Variants in TBX20 observed in about 807,000 individuals in gnomAD.
The protein encoded by TBX20 is T-box transcription factor 20, also known as T-box transcription factor TBX20.
A neutral mutation model predicts 42.9 loss-of-function variants in TBX20; 8 were observed. The observed-to-expected ratio is 0.19, with a 90% confidence interval of 0.11 to 0.34. The LOEUF (loss-of-function observed/expected upper bound fraction) is 0.34, where lower values mean the gene tolerates loss of function less well. Among genes scored for constraint, TBX20 ranks in the 10% least tolerant of loss-of-function variants. The pLI is 1.00. For synonymous variants in TBX20, 198 were observed against 222.8 expected (o/e 0.89, Z 0.99); for missense variants, 411 against 566.0 (o/e 0.73, Z 2.78).
chr7:35,245,624 G>T (rs146313390), intron 3 of TBX20, among the ~76,000 whole-genome samples: 2 of 152,082 alleles, frequency 1.3e-5, no homozygotes, highest in Non-Finnish European at 2.9e-5. Context: ...GTAGTCCACC[G>T]ATCAGCTAGG....
intron 6 of TBX20, among the ~76,000 whole-genome samples, chr7:35,210,439 C>T (rs1251935166): frequency 6.6e-6 from 1 of 152,110 alleles, no homozygotes; most frequent in Non-Finnish European, 1.5e-5. Context: ...ATTTTCTAAA[C>T]ATCAATTGGG....
At chr7:35,237,071 G>A (rs1384720147) in intron 5 of TBX20, among the ~76,000 whole-genome samples, 1 of 151,986 alleles carries the variant, frequency 6.6e-6, no homozygotes, top group Non-Finnish European at 1.5e-5. Context: ...CTATCATGAT[G>A]CCACCAAAAA....
intron 6 of TBX20, among the ~76,000 whole-genome samples, chr7:35,223,107 C>A (rs1267204176): frequency 2.4e-4 from 3 of 12,588 alleles, no homozygotes; most frequent in Non-Finnish European, 4.4e-4. Context: ...GATTAGTTGA[C>A]AAGATGAGTT....
intron 6 of TBX20, among the ~76,000 whole-genome samples, chr7:35,229,439 A>G (rs2128713218): frequency 6.6e-6 from 1 of 152,284 alleles, no homozygotes; most frequent in African/African-American, 2.4e-5. Flanking sequence ...AATATCTGGA[A>G]ATGAAATCCA....
chr7:35,253,470 G>C lies in TBX20; in HGVS notation c.127+24C>G, dbSNP rs982240056. ...ATGCGCAGCATCCCCAGTCCTCGGC[G>C]GACAGCCGGGTAGCCCAACTTACCC... is the stretch of plus-strand genomic sequence containing the variant. On this transcript the variant is annotated intron_variant, in intron 1 of 7. Transcript: ENST00000408931. The C allele has an allele frequency of 1.9e-6, 3 of 1,602,692 alleles. No homozygotes were observed. The African/African-American group carries it at 4.0e-5, about 21-fold the overall frequency.
chr7:35,213,676 GC>G (rs958223378), intron 6 of TBX20, among the ~76,000 whole-genome samples: 16 of 151,844 alleles, frequency 1.1e-4, no homozygotes, highest in African/African-American at 3.4e-4. Context: ...AATATCATGG[GC>G]TTTAATGTCA....
In TBX20 at chr7:35,250,110, C is replaced by T. The variant is rs776850953; in HGVS notation, c.221G>A (p.Ser74Asn). The change falls in exon 2 of 8, where the codon AGC (serine) becomes AAC (asparagine). Residue 74 changes from serine to asparagine, a missense_variant. Coordinates refer to ENST00000408931, the MANE Select transcript of TBX20 (RefSeq NM_001077653.2). ...AGTGCACAGAGAGGAGGAGGACGGG[C>T]TGCTGCCACTGCCTCCACCAAACTC... is the stretch of plus-strand genomic sequence containing the variant. Reference protein sequence around the residue: ...HGEFGGGSGSSPSSSSLCTEP... With the variant: ...HGEFGGGSGSNPSSSSLCTEP... 1.9e-6 allele frequency: 3 copies of T among 1,613,558 alleles called. No homozygotes were observed. The highest frequency in any genetic ancestry group is 2.2e-5 in the South Asian group (2 of 90,962).
Position 35,250,140 on chromosome 7 carries a change from T to A in TBX20, c.191A>T (p.His64Leu). 1 of 1,614,018 alleles carries A rather than the reference T, an allele frequency of 6.2e-7. No homozygotes were observed. The highest frequency in any genetic ancestry group is 8.5e-7 in the Non-Finnish European group (1 of 1,179,982). ...GCCACTGCCTCCACCAAACTCCCCA[T>A]GAGCATCCAGGCTGGTCAGCTCACC... is the stretch of plus-strand genomic sequence containing the variant. ...PLGELTSLDAHGEFGGGSGSS... is the reference protein window; with the variant it reads ...PLGELTSLDALGEFGGGSGSS... Residue 64 changes from histidine to leucine, a missense_variant, in exon 2 of 8, where the codon CAT becomes CTT. His to Leu is a moderately conservative substitution (Grantham distance 99, BLOSUM62 -3). Coordinates refer to ENST00000408931, the MANE Select transcript of TBX20 (RefSeq NM_001077653.2).
chr7:35,227,724 A>C (rs1789799366), intron 6 of TBX20, among the ~76,000 whole-genome samples: 1 of 152,140 alleles, frequency 6.6e-6, no homozygotes, highest in African/African-American at 2.4e-5. Context: ...ATGACTATAC[A>C]TCTTTCCACT....
At chr7:35,214,833 A>G (rs185839014) in intron 6 of TBX20, among the ~76,000 whole-genome samples, 207 of 152,316 alleles carry the variant, frequency 1.4e-3, no homozygotes, top group African/African-American at 4.6e-3. Flanking sequence ...TTATTTTCAC[A>G]TGCAAAAGAA....
intron 1 of TBX20, 26 bp downstream of exon 1, chr7:35,253,468 G>A (rs1562569155): frequency 6.2e-7 from 1 of 1,602,376 alleles, no homozygotes; most frequent in Non-Finnish European, 8.5e-7. Context: ...CCAGTCCTCG[G>A]CGGACAGCCG....
chr7:35,238,666 G>A lies in TBX20; in HGVS notation c.813+2213C>T, dbSNP rs564279317. ...CAAATAAATTAAAAACAGGATTGCT[G>A]GTTTCAGTGTTCCAGATTCGCAGAG... On this transcript the variant is annotated intron_variant, in intron 5 of 7. Transcript: ENST00000408931. Among the ~76,000 whole-genome samples, 880 of 152,272 alleles carry A rather than the reference G, an allele frequency of 5.8e-3. 7 individuals are homozygous for A. The highest frequency in any genetic ancestry group is 0.02 in the African/African-American group (839 of 41,542).
At chr7:35,216,751 CA>C (rs1186080758) in intron 6 of TBX20, among the ~76,000 whole-genome samples, 1 of 152,178 alleles carries the variant, frequency 6.6e-6, no homozygotes, top group African/African-American at 2.4e-5. Context: ...TTTCAATTTA[CA>C]TTCTCATTTT....
chr7:35,205,353 TA>T (rs3051595), intron 6 of TBX20, among the ~76,000 whole-genome samples: 291 of 144,142 alleles, frequency 2.0e-3, no homozygotes, highest in East Asian at 8.8e-3. Flanking sequence ...CTTCTGCTTT[TA>T]AAAAAAAAAA....
intron 6 of TBX20, among the ~76,000 whole-genome samples, chr7:35,214,910 A>C (rs1203700875): frequency 6.6e-6 from 1 of 152,164 alleles, no homozygotes; most frequent in Admixed American, 6.5e-5. Flanking sequence ...ATGGGCCCAA[A>C]TTCTGGATGG....
At chr7:35,228,096 A>C (rs1011793658) in intron 6 of TBX20, among the ~76,000 whole-genome samples, 7 of 13,306 alleles carry the variant, frequency 5.3e-4, no homozygotes, top group Non-Finnish European at 1.0e-3. Context: ...ATACTATGAT[A>C]AAAAAAAAAA....
rs2128715977 is a variant in TBX20, at chr7:35,248,858, G to T, written c.381-17C>A. 5 of 1,614,100 alleles carry T rather than the reference G, an allele frequency of 3.1e-6. No homozygotes were observed. Among genetic ancestry groups the T allele is most frequent in the Non-Finnish European group, 4.2e-6 (5 of 1,179,986 alleles). On this transcript the variant is annotated splice_polypyrimidine_tract_variant and intron_variant, in intron 2 of 7. Transcript: ENST00000408931. Reference sequence around the variant, plus strand: ...AACATCCTCCTGACAGAGAGAGAGAGAGAGAATGGGCCCTGTTTATGCTGC... The same window carrying T: ...AACATCCTCCTGACAGAGAGAGAGATAGAGAATGGGCCCTGTTTATGCTGC...
rs142206763 is a variant in TBX20 at position 35,252,657 on chromosome 7, G to A, written c.127+837C>T. Among the ~76,000 whole-genome samples, 404 of 152,266 alleles carry A rather than the reference G, an allele frequency of 2.7e-3. 3 individuals are homozygous for A. The highest frequency in any genetic ancestry group is 9.4e-3 in the African/African-American group (392 of 41,544). On this transcript the variant is annotated intron_variant, in intron 1 of 7. Transcript: ENST00000408931. ...TTTTCACATTGTAGTGATACCAGAC[G>A]ATCAGGCTGTGTAACAATTATTTCC...
intron 6 of TBX20, among the ~76,000 whole-genome samples, chr7:35,215,548 C>G (rs1789575199): frequency 6.6e-6 from 1 of 152,188 alleles, no homozygotes; most frequent in Non-Finnish European, 1.5e-5. Context: ...AATGCTAATT[C>G]TGTCACATCC....
Sources: allele counts gnomAD v4.1 joint callset (sites outside exome capture counted in the v4.1 genomes callset), GRCh38; gene constraint gnomAD v4.1.1; transcripts MANE v1.5; gene names NCBI Gene and HGNC (gene_info 2026-07-23, HGNC 2026-07-21).